PRKN: variants seen among roughly 807,000 people sequenced by gnomAD.
The protein encoded by PRKN is E3 ubiquitin-protein ligase parkin.
A neutral mutation model predicts 59.5 loss-of-function variants in PRKN; 56 were observed. The ratio of observed to expected loss-of-function variants is 0.94; its 90% CI spans 0.76 to 1.18. The LOEUF (loss-of-function observed/expected upper bound fraction) is 1.18. Among genes scored for constraint, PRKN ranks in the 50% most tolerant of loss-of-function variants. The pLI, the probability that PRKN is intolerant of heterozygous loss-of-function variation, is 0.00. For synonymous variants in PRKN, 250 were observed against 222.1 expected, an observed-to-expected ratio of 1.13 and a Z score of -1.12; for missense variants, 657 against 596.4, an observed-to-expected ratio of 1.10 and a Z score of -1.06.
chr6:162,315,908 A>G (rs1782735422), intron 2 of PRKN, among the ~76,000 whole-genome samples: 1 of 152,188 alleles, frequency 6.6e-6, no homozygotes, highest in African/African-American at 2.4e-5. Flanking sequence ...CTGACTTCGC[A>G]TCTACTCAAC....
chr6:161,741,612 A>G (rs1788187374), intron 7 of PRKN, among the ~76,000 whole-genome samples: 1 of 152,108 alleles, frequency 6.6e-6, no homozygotes, highest in Non-Finnish European at 1.5e-5. Flanking sequence ...TCCCAGTATC[A>G]GCCCCATGGA....
intron 6 of PRKN, among the ~76,000 whole-genome samples, chr6:161,948,628 G>C (rs1784604): frequency 6.6e-6 from 1 of 152,154 alleles, no homozygotes. Flanking sequence ...AGAGACCTGA[G>C]ACCTGGACAG....
At chr6:161,450,682 G>T (rs1008048178) in intron 9 of PRKN, among the ~76,000 whole-genome samples, 1 of 151,696 alleles carries the variant, frequency 6.6e-6, no homozygotes, top group East Asian at 1.9e-4. Context: ...TCAGCCTCCC[G>T]AGCAGCTGGG....
chr6:161,675,553 G>A (rs534111081), intron 7 of PRKN, among the ~76,000 whole-genome samples: 73 of 152,236 alleles, frequency 4.8e-4, no homozygotes, highest in African/African-American at 1.7e-3. Context: ...TGGGGGTGTC[G>A]GCATCTGAGT....
rs1407233492 is a variant in PRKN at position 161,458,467 on chromosome 6, G to A, written c.1084-71590C>T. On this transcript the variant is annotated intron_variant, in intron 9 of 11. Coordinates refer to ENST00000366898, the MANE Select transcript of PRKN (RefSeq NM_004562.3). The surrounding 1 kb of genome is among the most constrained non-coding windows in gnomAD (Gnocchi z 6.1). ...GCCGTCTGTCTACCTCCTGCCGGCT[G>A]CCTGTCTCCTAAAATGTCTGCATGC... Among the ~76,000 whole-genome samples, 1 of 152,156 alleles carries A rather than the reference G, an allele frequency of 6.6e-6. No individual in the cohort carries two copies. Among genetic ancestry groups the A allele is most frequent in the Non-Finnish European group, 1.5e-5 (1 of 68,026 alleles).
intron 3 of PRKN, among the ~76,000 whole-genome samples, chr6:162,216,301 C>T (rs546275189): frequency 2.6e-5 from 4 of 151,472 alleles, no homozygotes; most frequent in Admixed American, 6.6e-5. Context: ...GAGGCCGAGG[C>T]GGGTGGATCA....
At chr6:161,884,486 C>A (rs1450401712) in intron 6 of PRKN, among the ~76,000 whole-genome samples, 1 of 152,194 alleles carries the variant, frequency 6.6e-6, no homozygotes, top group African/African-American at 2.4e-5. Flanking sequence ...TAATTCGACT[C>A]AAGTGCTTCA....
intron 7 of PRKN, among the ~76,000 whole-genome samples, chr6:161,742,619 T>C (rs1216146964): frequency 6.6e-6 from 1 of 152,204 alleles, no homozygotes; most frequent in Non-Finnish European, 1.5e-5. Context: ...TGCAAGGACA[T>C]TTCAGGCTCA....
At position 161,576,160 on chromosome 6, in the gene PRKN, G is replaced by GA. The variant is rs1305907969; in HGVS notation, c.872-6745_872-6744insT. The stretch of plus-strand genomic sequence containing the variant: ...ACTAAGCTGTCTCGACAGAGTAATT[G>GA]CATTCAGTCAGCAGCAGGACTTTAC... On this transcript the variant is annotated intron_variant, in intron 7 of 11. Transcript: ENST00000366898. The surrounding 1 kb of genome is among the most constrained non-coding windows in gnomAD (Gnocchi z 4.6). Among the ~76,000 whole-genome samples, 2 of 152,216 alleles carry GA rather than the reference G, an allele frequency of 1.3e-5. No homozygotes were observed. Among genetic ancestry groups the GA allele is most frequent in the Non-Finnish European group, 2.9e-5 (2 of 68,040 alleles).
chr6:162,135,280 G>C (rs1350302314), intron 4 of PRKN, among the ~76,000 whole-genome samples: 1 of 152,072 alleles, frequency 6.6e-6, no homozygotes, highest in South Asian at 2.1e-4. Flanking sequence ...GAGATTACAG[G>C]TTTGAGCCAC....
intron 9 of PRKN, among the ~76,000 whole-genome samples, chr6:161,412,014 CATTCATTCA>C: frequency 7.8e-6 from 1 of 127,566 alleles, no homozygotes; most frequent in African/African-American, 2.9e-5. Context: ...TTCCTCCACT[CATTCATTCA>C]CTCATTCATT....
intron 6 of PRKN, among the ~76,000 whole-genome samples, chr6:161,819,098 T>C (rs553456460): frequency 1.3e-5 from 2 of 152,332 alleles, no homozygotes; most frequent in African/African-American, 4.8e-5. Context: ...ATGAACAGTA[T>C]TGATAAATGG....
At chr6:161,722,090 C>T (rs1292270419) in intron 7 of PRKN, among the ~76,000 whole-genome samples, 2 of 152,072 alleles carry the variant, frequency 1.3e-5, no homozygotes, top group Non-Finnish European at 2.9e-5. Flanking sequence ...GTAAGTCAGG[C>T]TCAGCAACCC....
intron 2 of PRKN, among the ~76,000 whole-genome samples, chr6:162,344,778 A>C (rs1464228545): frequency 1.3e-5 from 2 of 152,188 alleles, no homozygotes; most frequent in Non-Finnish European, 2.9e-5. Context: ...TGCAGGTTTG[A>C]AAATGGATGT....
intron 1 of PRKN, among the ~76,000 whole-genome samples, chr6:162,597,044 T>C (rs1457996323): frequency 6.6e-6 from 1 of 152,228 alleles, no homozygotes; most frequent in Non-Finnish European, 1.5e-5. Context: ...CTTTAGGAAA[T>C]GTTAGTGAAC....
At position 161,511,028 on chromosome 6, in the gene PRKN, A is replaced by G. The variant is rs183293945; in HGVS notation, c.1083+37826T>C. On this transcript the variant is annotated intron_variant, in intron 9 of 11. Coordinates refer to ENST00000366898, the MANE Select transcript of PRKN (RefSeq NM_004562.3). ...AGGCCACTGATCTTTTGTTTGCTATAGAAAATGAAGTAATCTCTTAGGGTA... is the reference window on the plus strand; with the variant it reads ...AGGCCACTGATCTTTTGTTTGCTATGGAAAATGAAGTAATCTCTTAGGGTA... 2.1e-3 allele frequency among the ~76,000 whole-genome samples: 327 copies of G among 152,344 alleles called. 2 individuals carry two copies. The highest frequency in any genetic ancestry group is 2.0e-3 in the Non-Finnish European group (138 of 68,040).
chr6:162,003,161 C>A (rs2128263762), intron 5 of PRKN, among the ~76,000 whole-genome samples: 1 of 149,492 alleles, frequency 6.7e-6, no homozygotes, highest in African/African-American at 2.5e-5. Context: ...TGAGAAAATC[C>A]CAGAATCATA....
intron 2 of PRKN, among the ~76,000 whole-genome samples, chr6:162,437,115 A>AT (rs1175584511): frequency 7.1e-6 from 1 of 141,020 alleles, no homozygotes; most frequent in African/African-American, 2.7e-5. Context: ...AAATAAATAA[A>AT]AAAAGGCTTC....
At chr6:161,387,337 G>A (rs182537610) in intron 9 of PRKN, among the ~76,000 whole-genome samples, 200 of 152,270 alleles carry the variant, frequency 1.3e-3, no homozygotes, top group African/African-American at 4.3e-3. Flanking sequence ...TTCCCCCTTC[G>A]CTCAGCTCTC....
Sources: gnomAD v4.1 joint callset for allele counts (sites outside exome capture counted in the v4.1 genomes callset) on GRCh38, gnomAD v4.1.1 for gene constraint, Gnocchi (gnomAD v3.1) non-coding constraint, MANE v1.5 for transcripts, NCBI Gene and HGNC (gene_info 2026-07-23, HGNC 2026-07-21) for gene names.